The following KIF26B variants were observed in gnomAD, a reference collection of about 807,000 sequenced individuals.
KIF26B encodes the protein kinesin family member 26B, also known as kinesin-like protein KIF26B.
KIF26B carries 63 observed loss-of-function variants against 151.2 expected under a neutral mutation model. The ratio of observed to expected loss-of-function variants is 0.42; its 90% CI spans 0.34 to 0.51. The LOEUF (loss-of-function observed/expected upper bound fraction) is 0.51, where lower values mean the gene tolerates loss of function less well. KIF26B is among the 20% of genes least tolerant of loss of function. The pLI, the probability that KIF26B is intolerant of heterozygous loss-of-function variation, is 0.07. For missense variants in KIF26B, 2,813 were observed against 2,913.6 expected (o/e 0.97, Z 0.79); for synonymous variants, 1,357 against 1,262.1 (o/e 1.08, Z -1.59).
Position 245,467,484 on chromosome 1 carries a change from CA to C in KIF26B, c.1166+47742del, listed in dbSNP as rs1659820846. The stretch of plus-strand genomic sequence containing the variant: ...TCAGTGTTTGGTTCTGGAGTGACTG[CA>C]AACAAAAAGAGCCCTCCAAGTCTCA... On this transcript the variant is annotated intron_variant, in intron 4 of 14. Transcript: ENST00000407071. Among the ~76,000 whole-genome samples the C allele has an allele frequency of 2.0e-5, 3 of 152,172 alleles. 1 individual carries two copies. The South Asian group carries it at 6.2e-4, about 32-fold the overall frequency.
At chr1:245,515,612 A>T (rs2103086557) in intron 4 of KIF26B, among the ~76,000 whole-genome samples, 1 of 152,328 alleles carries the variant, frequency 6.6e-6, no homozygotes, top group Non-Finnish European at 1.5e-5. Context: ...CCAATATTTT[A>T]GTTGGTTTCT....
At chr1:245,160,669 G>A (rs1161496653) in intron 2 of KIF26B, among the ~76,000 whole-genome samples, 4 of 151,722 alleles carry the variant, frequency 2.6e-5, no homozygotes, top group African/African-American at 7.3e-5. Flanking sequence ...AAAAAAAAGT[G>A]CAGAACTATG....
At chr1:245,182,960 T>C (rs1473826615) in intron 2 of KIF26B, among the ~76,000 whole-genome samples, 1 of 152,192 alleles carries the variant, frequency 6.6e-6, no homozygotes, top group Non-Finnish European at 1.5e-5. Context: ...CCAAACTCTT[T>C]TCCCAAATGG....
intron 14 of KIF26B, among the ~76,000 whole-genome samples, chr1:245,701,199 G>GGAAAT (rs1231386366): frequency 6.6e-6 from 1 of 152,138 alleles, no homozygotes; most frequent in African/African-American, 2.4e-5. Context: ...ACATGAAAGG[G>GGAAAT]GAAATATATA....
intron 10 of KIF26B, among the ~76,000 whole-genome samples, chr1:245,683,155 G>A (rs115523441): frequency 8.5e-4 from 130 of 152,318 alleles, no homozygotes; most frequent in Non-Finnish European, 1.6e-3. Context: ...GCTGACAGTG[G>A]CCTGAGTCTC....
chr1:245,333,367 G>A (rs1008351283), intron 2 of KIF26B, among the ~76,000 whole-genome samples: 5 of 152,190 alleles, frequency 3.3e-5, no homozygotes, highest in African/African-American at 4.8e-5. Context: ...ACTGTGTGAC[G>A]CCACTTAGGT....
intron 10 of KIF26B, among the ~76,000 whole-genome samples, chr1:245,662,649 CAT>C (rs1277387321): frequency 5.0e-5 from 2 of 40,318 alleles, no homozygotes; most frequent in Admixed American, 2.4e-4. Flanking sequence ...CACACACACA[CAT>C]CCAATACATA....
chr1:245,695,697 G>GTA (rs1323232015), intron 12 of KIF26B, among the ~76,000 whole-genome samples: 59 of 152,364 alleles, frequency 3.9e-4, no homozygotes, highest in African/African-American at 1.3e-3. Flanking sequence ...ATACCCGCCA[G>GTA]GATATTTCTG....
chr1:245,475,566 A>G (rs1660017050), intron 4 of KIF26B, among the ~76,000 whole-genome samples: 1 of 151,894 alleles, frequency 6.6e-6, no homozygotes, highest in Non-Finnish European at 1.5e-5. Context: ...AATCAGAGGA[A>G]TGGGAGAAAA....
At chr1:245,242,806 C>T (rs1255561993) in intron 2 of KIF26B, among the ~76,000 whole-genome samples, 2 of 152,146 alleles carry the variant, frequency 1.3e-5, no homozygotes, top group Admixed American at 6.6e-5. Flanking sequence ...CACGCACCAC[C>T]ACAACTGGCT....
chr1:245,426,095 A>C (rs1658642483), intron 4 of KIF26B, among the ~76,000 whole-genome samples: 1 of 152,162 alleles, frequency 6.6e-6, no homozygotes, highest in African/African-American at 2.4e-5. Context: ...ATGACTTCAG[A>C]TCAGAACTTA....
At chr1:245,390,943 A>AAAAAAAAAAAACAAAAC (rs1553270131) in intron 3 of KIF26B, among the ~76,000 whole-genome samples, 6 of 118,410 alleles carry the variant, frequency 5.1e-5, no homozygotes, top group Admixed American at 8.3e-5. Context: ...AAAAAAAAAA[A>AAAAAAAAAAAACAAAAC]AAAAAAAAAC....
chr1:245,347,616 T>A (rs1672480898), intron 2 of KIF26B, among the ~76,000 whole-genome samples: 1 of 152,214 alleles, frequency 6.6e-6, no homozygotes, highest in African/African-American at 2.4e-5. Context: ...ACTTGGCCTG[T>A]TCCATTTCTT....
chr1:245,539,513 A>G (rs1319241317), intron 4 of KIF26B, among the ~76,000 whole-genome samples: 2 of 152,216 alleles, frequency 1.3e-5, no homozygotes, highest in Non-Finnish European at 2.9e-5. Context: ...GGAAATTAGA[A>G]TCCTTAGAAT....
chr1:245,607,775 T>A, intron 7 of KIF26B, 31 bp downstream of exon 7: 1 of 1,540,468 alleles, frequency 6.5e-7, no homozygotes, highest in African/African-American at 1.4e-5. Context: ...CTCATGCGGC[T>A]CGTTGAGCTC....
chr1:245,171,139 C>T (rs1050663667), intron 2 of KIF26B, among the ~76,000 whole-genome samples: 5 of 152,168 alleles, frequency 3.3e-5, no homozygotes, highest in Admixed American at 6.5e-5. Flanking sequence ...TTGACAGGGT[C>T]GTGCTGGTTC....
At position 245,327,769 on chromosome 1, in the gene KIF26B, T is replaced by G. The variant is rs141708448; in HGVS notation, c.466-39065T>G. ...ATGACTGCAACACATGGACATATTT[T>G]TAGCTATTTTTTCCATGAAATGTAT... On this transcript the variant is annotated intron_variant, in intron 2 of 14. Transcript: ENST00000407071. Among the ~76,000 whole-genome samples, 362 of 152,330 alleles carry G rather than the reference T, an allele frequency of 2.4e-3. 1 individual carries two copies. The highest frequency in any genetic ancestry group is 8.4e-3 in the African/African-American group (349 of 41,572).
intron 4 of KIF26B, among the ~76,000 whole-genome samples, chr1:245,473,773 A>G (rs998126688): frequency 3.9e-5 from 6 of 151,948 alleles, no homozygotes. Context: ...TTTTCAGACT[A>G]TGTTCCAAGG....
rs763577177 is a variant in KIF26B at position 245,687,141 on chromosome 1, C to T, written c.4158C>T (p.Pro1386=). 1 of 1,613,350 alleles carries T rather than the reference C, an allele frequency of 6.2e-7. No individual in the cohort carries two copies. The highest frequency in any genetic ancestry group is 1.1e-5 in the South Asian group (1 of 90,982). Residue 1386 remains proline (P), a synonymous_variant, in exon 12 of 15, where the codon CCC becomes CCT. Coordinates refer to ENST00000407071, the MANE Select transcript of KIF26B (RefSeq NM_018012.4). This position sits in a 1 kb window ranked among gnomAD's most constrained non-coding sequence, Gnocchi z 4.9. The stretch of plus-strand genomic sequence containing the variant: ...TGAGCAGCTGCGAGGGGTACATCCC[C>T]ATGAAGACCAATATCACAGTTTACC... ...ANLSSCEGYI[P]MKTNITVYPC... is the part of the protein sequence containing the mutation.
Sources: gnomAD v4.1 joint callset for allele counts (sites outside exome capture counted in the v4.1 genomes callset) on GRCh38, gnomAD v4.1.1 for gene constraint, Gnocchi (gnomAD v3.1) non-coding constraint, MANE v1.5 for transcripts, NCBI Gene and HGNC (gene_info 2026-07-23, HGNC 2026-07-21) for gene names.